Variants in CLVS1 observed in about 807,000 individuals in gnomAD.
CLVS1 encodes the protein clavesin-1.
A neutral mutation model predicts 33.1 loss-of-function variants in CLVS1; 10 were observed. That is an observed-to-expected ratio of 0.30 (90% CI 0.19 to 0.51). The LOEUF (loss-of-function observed/expected upper bound fraction) is 0.51. CLVS1 is among the 20% of genes least tolerant of loss of function. The pLI is 0.97. For synonymous variants in CLVS1, 163 were observed against 166.1 expected (o/e 0.98, Z 0.14); for missense variants, 343 against 433.4 (o/e 0.79, Z 1.85).
At chr8:61,094,952 T>C (rs1805320964) in intron 1 of CLVS1, among the ~76,000 whole-genome samples, 1 of 152,240 alleles carries the variant, frequency 6.6e-6, no homozygotes, top group Admixed American at 6.5e-5. Flanking sequence ...AGAAGCTATG[T>C]TTTCAATGTA....
At chr8:61,195,498 CT>C (rs1405041302) in intron 2 of CLVS1, among the ~76,000 whole-genome samples, 6 of 150,848 alleles carry the variant, frequency 4.0e-5, no homozygotes, top group Admixed American at 2.0e-4. Flanking sequence ...GTAGTCCTGG[CT>C]TTTTTTTTCC....
intron 2 of CLVS1, among the ~76,000 whole-genome samples, chr8:61,261,891 C>T (rs1809209448): frequency 6.6e-6 from 1 of 152,000 alleles, no homozygotes; most frequent in East Asian, 1.9e-4. Context: ...GCTGCATGTT[C>T]TTCAGGCAAG....
At chr8:61,159,456 CA>C (rs1481260090) in intron 2 of CLVS1, among the ~76,000 whole-genome samples, 1 of 152,176 alleles carries the variant, frequency 6.6e-6, no homozygotes, top group East Asian at 1.9e-4. Context: ...AAAAACTTTG[CA>C]AAAACTGCTG....
Position 61,313,493 on chromosome 8 carries a change from T to C in CLVS1, c.455+13211T>C, listed in dbSNP as rs569897966. Among the ~76,000 whole-genome samples, 3 of 152,334 alleles carry C rather than the reference T, an allele frequency of 2.0e-5. No homozygotes were observed. The South Asian group carries it at 6.2e-4, about 32-fold the overall frequency. ...TATTCACACAAAGGATTGGAATAGATATGAGCATGCCAGTCATTTAGGAAA... is the reference window on the plus strand; with the variant it reads ...TATTCACACAAAGGATTGGAATAGACATGAGCATGCCAGTCATTTAGGAAA... On this transcript the variant is annotated intron_variant, in intron 2 of 5. Transcript: ENST00000325897.
At chr8:61,101,736 T>C (rs1336949247) in intron 1 of CLVS1, among the ~76,000 whole-genome samples, 2 of 152,096 alleles carry the variant, frequency 1.3e-5, no homozygotes, top group African/African-American at 2.4e-5. Flanking sequence ...TTATATGTTT[T>C]TAAGCTCTAC....
chr8:61,300,307 T>A (rs1810380833), intron 2 of CLVS1, 25 bp downstream of exon 2: 1 of 1,578,370 alleles, frequency 6.3e-7, no homozygotes, highest in Admixed American at 1.8e-5. Context: ...TGTCTTTACT[T>A]GGTTTTTCTT....
intron 2 of CLVS1, among the ~76,000 whole-genome samples, chr8:61,189,851 A>G (rs1430763666): frequency 1.3e-5 from 2 of 152,246 alleles, no homozygotes; most frequent in Admixed American, 6.5e-5. Flanking sequence ...CACCCAATAC[A>G]GGAGCACCCA....
chr8:61,218,048 G>A (rs1407439074), intron 2 of CLVS1, among the ~76,000 whole-genome samples: 1 of 152,102 alleles, frequency 6.6e-6, no homozygotes, highest in East Asian at 1.9e-4. Context: ...ATACATTGTT[G>A]GTGGGAATGT....
At chr8:61,303,168 G>A (rs1026083104) in intron 2 of CLVS1, among the ~76,000 whole-genome samples, 4 of 152,162 alleles carry the variant, frequency 2.6e-5, no homozygotes, top group African/African-American at 4.8e-5. Context: ...ATGAGGTAGA[G>A]AACATCAGTA....
At chr8:61,337,311 A>G (rs573747230) in intron 2 of CLVS1, among the ~76,000 whole-genome samples, 2 of 152,294 alleles carry the variant, frequency 1.3e-5, no homozygotes, top group East Asian at 3.9e-4. Flanking sequence ...AGGTAGTTCC[A>G]AGGGCCTTGT....
At chr8:61,020,786 A>G in the CLVS1 span, among the ~76,000 whole-genome samples, 1 of 152,228 alleles carries the variant, frequency 6.6e-6, no homozygotes, top group Non-Finnish European at 1.5e-5. Context: ...CTACTTGTGC[A>G]ATGGATGAAT....
the CLVS1 span, among the ~76,000 whole-genome samples, chr8:61,018,942 C>A: frequency 6.6e-6 from 1 of 152,176 alleles, no homozygotes; most frequent in African/African-American, 2.4e-5. Context: ...ATGCTGCAGC[C>A]GTGGTGGAGG....
chr8:61,070,183 C>T (rs1405958649), intron 1 of CLVS1, among the ~76,000 whole-genome samples: 1 of 152,174 alleles, frequency 6.6e-6, no homozygotes. Context: ...AGGGTTCTGC[C>T]TTCTGCCTAT....
intron 2 of CLVS1, among the ~76,000 whole-genome samples, chr8:61,332,026 C>T (rs1319307195): frequency 6.6e-6 from 1 of 152,186 alleles, no homozygotes; most frequent in East Asian, 1.9e-4. Context: ...TTCATGGTGG[C>T]ATGGCAGGGC....
chr8:61,340,127 G>T (rs1409114305), intron 2 of CLVS1, among the ~76,000 whole-genome samples: 4 of 151,932 alleles, frequency 2.6e-5, no homozygotes, highest in African/African-American at 9.7e-5. Flanking sequence ...GAAAGGGAAA[G>T]AACCCTGCAT....
intron 2 of CLVS1, chr8:61,202,547 A>G: frequency 8.6e-7 from 1 of 1,156,240 alleles, no homozygotes; most frequent in Non-Finnish European, 1.3e-6. Context: ...GAGGCAATGA[A>G]TTACGAAGGC....
the CLVS1 span, among the ~76,000 whole-genome samples, chr8:60,979,485 G>A: frequency 2.0e-5 from 3 of 152,210 alleles, no homozygotes; most frequent in East Asian, 5.8e-4. Context: ...CTGTCTAATG[G>A]AGAGTTTCAG....
At chr8:61,150,515 C>T (rs535465762) in intron 2 of CLVS1, among the ~76,000 whole-genome samples, 1 of 152,310 alleles carries the variant, frequency 6.6e-6, no homozygotes, top group Admixed American at 6.5e-5. Context: ...GTTTGGGAAG[C>T]CTGGCTTTGA....
chr8:61,490,276 T>C lies in CLVS1; in HGVS notation c.978-9179T>C, dbSNP rs188396255. 1.9e-4 allele frequency among the ~76,000 whole-genome samples: 29 copies of C among 150,590 alleles called. No homozygotes were observed. In the East Asian group the frequency reaches 5.7e-3, roughly 30 times the overall value. ...AGGCAGAGGTTGCAGTGAGCCAAGA[T>C]TGCGCCACTGCACTCCATCCTGGGC... On this transcript the variant is annotated intron_variant, in intron 5 of 5. Coordinates refer to ENST00000325897, the MANE Select transcript of CLVS1 (RefSeq NM_173519.3).
Sources: gnomAD v4.1 joint callset for allele counts (sites outside exome capture counted in the v4.1 genomes callset) on GRCh38, gnomAD v4.1.1 for gene constraint, MANE v1.5 for transcripts, NCBI Gene and HGNC (gene_info 2026-07-23, HGNC 2026-07-21) for gene names.